The following SUGCT variants were observed in gnomAD, a reference collection of about 807,000 sequenced individuals.
SUGCT encodes the protein succinyl-CoA:glutarate-CoA transferase.
A neutral mutation model predicts 55.0 loss-of-function variants in SUGCT; 41 were observed. The observed-to-expected ratio is 0.74, with a 90% CI of 0.58 to 0.97. The LOEUF (loss-of-function observed/expected upper bound fraction) is 0.97. Among genes scored for constraint, SUGCT ranks in the 50% least tolerant of loss-of-function variants. The pLI is 0.00. For synonymous variants in SUGCT, 187 were observed against 200.4 expected, an observed-to-expected ratio of 0.93 and a Z score of 0.56; for missense variants, 568 against 547.8, an observed-to-expected ratio of 1.04 and a Z score of -0.37.
intron 1 of SUGCT, among the ~76,000 whole-genome samples, chr7:40,173,913 C>CTGTG (rs34789334): frequency 0.011 from 1,627 of 144,014 alleles, 13 homozygotes; most frequent in South Asian, 0.017. Context: ...AATGTATATC[C>CTGTG]TGTGTGTGTG....
chr7:40,257,926 G>A (rs1414416765), intron 7 of SUGCT, among the ~76,000 whole-genome samples: 1 of 152,078 alleles, frequency 6.6e-6, no homozygotes. Flanking sequence ...TATAGCAGGA[G>A]TATAGATTGG....
chr7:40,436,872 G>T (rs1002986318), intron 9 of SUGCT, among the ~76,000 whole-genome samples: 1 of 152,102 alleles, frequency 6.6e-6, no homozygotes, highest in Non-Finnish European at 1.5e-5. Context: ...TTACCTTGGG[G>T]TGTTGCTGAA....
intron 13 of SUGCT, among the ~76,000 whole-genome samples, chr7:40,852,121 C>T (rs1331666365): frequency 5.9e-5 from 9 of 152,280 alleles, no homozygotes; most frequent in Admixed American, 1.3e-4. Flanking sequence ...TCAAACTTGG[C>T]GTGTCCAAAA....
chr7:40,445,524 A>C (rs1017384830), intron 9 of SUGCT, among the ~76,000 whole-genome samples: 2 of 152,146 alleles, frequency 1.3e-5, no homozygotes, highest in Non-Finnish European at 2.9e-5. Context: ...CCAACCAAAA[A>C]AGTCTAGGAT....
At chr7:40,150,596 C>A (rs1213080900) in intron 1 of SUGCT, among the ~76,000 whole-genome samples, 1 of 151,830 alleles carries the variant, frequency 6.6e-6, no homozygotes, top group African/African-American at 2.4e-5. Flanking sequence ...CACTTGAACC[C>A]AGGTTGGGAA....
intron 8 of SUGCT, among the ~76,000 whole-genome samples, chr7:40,298,408 GA>G (rs1794313043): frequency 6.6e-6 from 1 of 152,136 alleles, no homozygotes; most frequent in East Asian, 1.9e-4. Flanking sequence ...ACTGTTTTAG[GA>G]ACTTCCATTG....
intron 12 of SUGCT, among the ~76,000 whole-genome samples, chr7:40,727,349 C>T (rs1462222435): frequency 2.6e-5 from 4 of 152,184 alleles, no homozygotes; most frequent in Admixed American, 1.3e-4. Context: ...AAAGCTGTAG[C>T]ATTTTGGAAA....
intron 9 of SUGCT, among the ~76,000 whole-genome samples, chr7:40,391,013 G>A (rs188491514): frequency 2.7e-3 from 412 of 152,254 alleles, no homozygotes; most frequent in African/African-American, 9.6e-3. Flanking sequence ...TGACAAACCT[G>A]ACAGAAACAA....
chr7:40,186,305 C>T (rs1362108903), intron 3 of SUGCT, among the ~76,000 whole-genome samples: 1 of 149,548 alleles, frequency 6.7e-6, no homozygotes, highest in Non-Finnish European at 1.5e-5. Context: ...GTCCCCTAGG[C>T]TGGAGTGCAG....
At chr7:40,204,250 T>G (rs1215068931) in intron 6 of SUGCT, among the ~76,000 whole-genome samples, 1 of 151,794 alleles carries the variant, frequency 6.6e-6, no homozygotes, top group East Asian at 1.9e-4. Context: ...CTTGGTCCCC[T>G]GAAGTACTGA....
intron 11 of SUGCT, among the ~76,000 whole-genome samples, chr7:40,495,750 T>C (rs995702937): frequency 2.0e-5 from 3 of 152,232 alleles, no homozygotes; most frequent in African/African-American, 7.2e-5. Context: ...AACTGAAATA[T>C]CACTCTTTGC....
chr7:40,724,681 A>G (rs1285344674), intron 12 of SUGCT, among the ~76,000 whole-genome samples: 1 of 150,442 alleles, frequency 6.6e-6, no homozygotes, highest in East Asian at 1.9e-4. Flanking sequence ...TTGAATATGT[A>G]TTATATGTAA....
At chr7:40,303,658 T>C (rs1334468977) in intron 8 of SUGCT, among the ~76,000 whole-genome samples, 1 of 152,150 alleles carries the variant, frequency 6.6e-6, no homozygotes, top group African/African-American at 2.4e-5. Context: ...CCATTTCTTC[T>C]CTTTCACACT....
chr7:40,897,292 CAAAG>C, the SUGCT span, among the ~76,000 whole-genome samples: 2 of 152,124 alleles, frequency 1.3e-5, no homozygotes, highest in Non-Finnish European at 2.9e-5. Flanking sequence ...TGACATTGGG[CAAAG>C]ACTTTTTTGG....
intron 13 of SUGCT, among the ~76,000 whole-genome samples, chr7:40,815,476 G>A (rs1791622206): frequency 6.6e-6 from 1 of 152,148 alleles, no homozygotes; most frequent in African/African-American, 2.4e-5. Context: ...GGGAAGTTTA[G>A]GCCACTGTTC....
At chr7:40,703,862 C>T (rs951336863) in intron 12 of SUGCT, among the ~76,000 whole-genome samples, 1 of 152,182 alleles carries the variant, frequency 6.6e-6, no homozygotes, top group Non-Finnish European at 1.5e-5. Context: ...TCCCCATGTT[C>T]TATGAGCCTC....
At chr7:40,991,534 G>C in the SUGCT span, among the ~76,000 whole-genome samples, 1 of 152,132 alleles carries the variant, frequency 6.6e-6, no homozygotes, top group African/African-American at 2.4e-5. Context: ...TGTAAAAAAT[G>C]CAGTATCTGT....
chr7:41,019,288 G>A, the SUGCT span, among the ~76,000 whole-genome samples: 1 of 152,176 alleles, frequency 6.6e-6, no homozygotes, highest in Admixed American at 6.6e-5. Flanking sequence ...GCTATGAATT[G>A]CCAGATGCAC....
At chr7:40,391,155 A>C (rs554452061) in intron 9 of SUGCT, among the ~76,000 whole-genome samples, 51 of 152,322 alleles carry the variant, frequency 3.3e-4, no homozygotes, top group Non-Finnish European at 6.2e-4. Flanking sequence ...AAAGACTTAA[A>C]TGTTAGACCT....
Sources: gnomAD v4.1 joint callset for allele counts (sites outside exome capture counted in the v4.1 genomes callset) on GRCh38, gnomAD v4.1.1 for gene constraint, MANE v1.5 for transcripts, NCBI Gene and HGNC (gene_info 2026-07-23, HGNC 2026-07-21) for gene names.